STX8: variants seen among roughly 807,000 people sequenced by gnomAD.
STX8 encodes syntaxin-8.
A neutral mutation model predicts 37.5 loss-of-function variants in STX8; 23 were observed. The ratio of observed to expected loss-of-function variants is 0.61; its 90% CI spans 0.44 to 0.87. The LOEUF (loss-of-function observed/expected upper bound fraction) is 0.87. Among genes scored for constraint, STX8 ranks in the 40% least tolerant of loss-of-function variants. The pLI, the probability that STX8 is intolerant of heterozygous loss-of-function variation, is 0.00. For synonymous variants in STX8, 115 were observed against 99.1 expected (o/e 1.16, Z -0.95); for missense variants, 313 against 284.7 (o/e 1.10, Z -0.71).
At chr17:9,267,076 G>A (rs1907256778) in intron 7 of STX8, among the ~76,000 whole-genome samples, 1 of 152,190 alleles carries the variant, frequency 6.6e-6, no homozygotes, top group African/African-American at 2.4e-5. Context: ...ATGACAGAGT[G>A]TGTGAAAGGG....
intron 7 of STX8, among the ~76,000 whole-genome samples, chr17:9,288,336 C>G (rs547186057): frequency 1.3e-5 from 2 of 151,846 alleles, no homozygotes; most frequent in Admixed American, 1.3e-4. Flanking sequence ...ATCAGAAAGC[C>G]TTGGAGTGAA....
At chr17:9,376,646 C>A (rs1327566131) in intron 7 of STX8, among the ~76,000 whole-genome samples, 4 of 152,194 alleles carry the variant, frequency 2.6e-5, no homozygotes, top group African/African-American at 9.7e-5. Context: ...TCGGTCCGCA[C>A]CACCTTTGTG....
chr17:9,503,994 T>C (rs1285976457), intron 5 of STX8, among the ~76,000 whole-genome samples: 3 of 151,876 alleles, frequency 2.0e-5, no homozygotes, highest in African/African-American at 7.3e-5. Flanking sequence ...GAACTCCTGA[T>C]CTCAGGTGAT....
intron 7 of STX8, among the ~76,000 whole-genome samples, chr17:9,329,050 CAAAAAAAAAAAAAAAAA>C (rs998679728): frequency 1.8e-4 from 5 of 28,010 alleles, no homozygotes; most frequent in Non-Finnish European, 1.9e-4. Context: ...GATTCCATCT[CAAAAAAAAAAAAAAAAA>C]AAAAAAAAAA....
chr17:9,436,347 A>C (rs562089385), intron 6 of STX8, among the ~76,000 whole-genome samples: 49 of 74,424 alleles, frequency 6.6e-4, no homozygotes, highest in African/African-American at 2.9e-3. Flanking sequence ...CCTCCATCGC[A>C]AAAAAAAAAA....
At chr17:9,275,743 C>G (rs2142145215) in intron 7 of STX8, among the ~76,000 whole-genome samples, 1 of 152,110 alleles carries the variant, frequency 6.6e-6, no homozygotes, top group African/African-American at 2.4e-5. Flanking sequence ...TGGCTCATGC[C>G]TGTAATCCCA....
At chr17:9,419,693 C>A (rs1913352071) in intron 6 of STX8, among the ~76,000 whole-genome samples, 1 of 152,070 alleles carries the variant, frequency 6.6e-6, no homozygotes, top group Non-Finnish European at 1.5e-5. Context: ...AGGATGAGGC[C>A]CCAAACTTAA....
At chr17:9,511,152 T>C (rs1315141144) in intron 4 of STX8, among the ~76,000 whole-genome samples, 2 of 152,170 alleles carry the variant, frequency 1.3e-5, no homozygotes, top group African/African-American at 4.8e-5. Flanking sequence ...CAGGACTGAA[T>C]GGCTTTCATA....
intron 6 of STX8, among the ~76,000 whole-genome samples, chr17:9,421,476 A>G (rs1434088485): frequency 6.7e-6 from 1 of 149,468 alleles, no homozygotes; most frequent in Non-Finnish European, 1.5e-5. Context: ...TGCTGTAAAT[A>G]AGGTTTATAA....
At chr17:9,408,157 C>A (rs996343974) in intron 6 of STX8, among the ~76,000 whole-genome samples, 1 of 152,050 alleles carries the variant, frequency 6.6e-6, no homozygotes, top group Non-Finnish European at 1.5e-5. Context: ...GGGCATGACT[C>A]CCCAGACCCC....
intron 6 of STX8, among the ~76,000 whole-genome samples, chr17:9,389,358 T>C (rs1912128370): frequency 6.6e-6 from 1 of 152,258 alleles, no homozygotes; most frequent in South Asian, 2.1e-4. Flanking sequence ...GATTCCTGAC[T>C]GTAGAGCCTC....
rs201550065 is a variant in STX8, at chr17:9,274,744, C to CTTTTTTTTTTTTTTTTTTTTT, written c.644-24100_644-24099insAAAAAAAAAAAAAAAAAAAAA. Among the ~76,000 whole-genome samples, 7 of 88,884 alleles carry CTTTTTTTTTTTTTTTTTTTTT rather than the reference C, an allele frequency of 7.9e-5. 3 individuals carry two copies. The highest frequency in any genetic ancestry group is 1.1e-4 in the Non-Finnish European group (5 of 44,070). 58.3% of individuals were successfully genotyped at this position (88,884 alleles called of 152,430 possible). Reference sequence around the variant, plus strand: ...AAAGTCTTCAAAAATACAACAATTTCTTTTTTCTTTTTTTTTTTTTTTTTT... The same window carrying CTTTTTTTTTTTTTTTTTTTTT: ...AAAGTCTTCAAAAATACAACAATTTCTTTTTTTTTTTTTTTTTTTTTTTTTTTCTTTTTTTTTTTTTTTTTT... On this transcript the variant is annotated intron_variant, in intron 7 of 7. Transcript: ENST00000306357.
chr17:9,548,569 T>A (rs901868887), intron 3 of STX8: 1 of 152,228 alleles, frequency 6.6e-6, no homozygotes, highest in African/African-American at 2.4e-5. Context: ...AACCATTATT[T>A]ATAATAGCCA....
rs1340551378 is a variant in STX8 at position 9,431,028 on chromosome 17, G to GT, written c.542-52376dup. On this transcript the variant is annotated intron_variant, in intron 6 of 7. Coordinates refer to ENST00000306357, the MANE Select transcript of STX8 (RefSeq NM_004853.3). Reference sequence around the variant, plus strand: ...GGGTTTTTTTGTTGTTGTTGTTTTGGTTTTTTTTTAGTAGAGATGGGGTTT... The same window carrying GT: ...GGGTTTTTTTGTTGTTGTTGTTTTGGTTTTTTTTTTAGTAGAGATGGGGTTT... Among the ~76,000 whole-genome samples the GT allele has an allele frequency of 9.2e-4, 115 of 124,498 alleles. No individual in the cohort carries two copies. The South Asian group carries it at 0.017, about 19-fold the overall frequency. The allele number at this position is 124,498 out of a possible 152,430, so 81.7% of individuals were successfully genotyped here. A position where few individuals can be genotyped will look rare whatever the true frequency, so the allele number is the denominator to read the frequency against.
intron 6 of STX8, among the ~76,000 whole-genome samples, chr17:9,477,487 C>T (rs957061004): frequency 2.6e-5 from 4 of 152,010 alleles, no homozygotes; most frequent in African/African-American, 9.7e-5. Flanking sequence ...TATATACACA[C>T]TTGTGTGGAA....
chr17:9,445,927 TC>T (rs1199716225), intron 6 of STX8, among the ~76,000 whole-genome samples: 1 of 149,364 alleles, frequency 6.7e-6, no homozygotes, highest in African/African-American at 2.5e-5. Context: ...AAGCTCTGCC[TC>T]CCGGGTTCAC....
chr17:9,337,272 C>A (rs1011549297), intron 7 of STX8, among the ~76,000 whole-genome samples: 2 of 152,068 alleles, frequency 1.3e-5, no homozygotes, highest in Non-Finnish European at 2.9e-5. Context: ...ATTAGTATTT[C>A]AAAGGAGGTT....
chr17:9,489,406 C>T (rs954419589), intron 6 of STX8, among the ~76,000 whole-genome samples: 14 of 152,290 alleles, frequency 9.2e-5, no homozygotes, highest in Middle Eastern at 3.4e-3. Context: ...AGACGAAAGA[C>T]AAGATAAAGA....
intron 6 of STX8, among the ~76,000 whole-genome samples, chr17:9,388,134 T>A (rs1444354276): frequency 6.7e-6 from 1 of 149,856 alleles, no homozygotes; most frequent in African/African-American, 2.5e-5. Context: ...TGCAGTGGTG[T>A]GATCTCGGCT....
Sources: gnomAD v4.1 joint callset for allele counts (sites outside exome capture counted in the v4.1 genomes callset) on GRCh38, gnomAD v4.1.1 for gene constraint, MANE v1.5 for transcripts, NCBI Gene and HGNC (gene_info 2026-07-23, HGNC 2026-07-21) for gene names.